MACROD2: variants seen among roughly 807,000 people sequenced by gnomAD.
MACROD2 encodes the protein ADP-ribose glycohydrolase MACROD2.
MACROD2 carries 36 observed loss-of-function variants against 70.4 expected under a neutral mutation model. That is an observed-to-expected ratio of 0.51 (90% CI 0.39 to 0.68). MACROD2 has a LOEUF of 0.68. MACROD2 is among the 30% of genes least tolerant of loss of function. The pLI is 0.00. For synonymous variants in MACROD2, 172 were observed against 178.8 expected (o/e 0.96, Z 0.30); for missense variants, 496 against 538.4 (o/e 0.92, Z 0.78).
chr20:14,685,499 C>T (rs1165234148), intron 5 of MACROD2, among the ~76,000 whole-genome samples: 1 of 152,182 alleles, frequency 6.6e-6, no homozygotes, highest in Non-Finnish European at 1.5e-5. Flanking sequence ...TGTGTTTGCT[C>T]TTTGAATGCG....
At chr20:15,557,918 G>A (rs62195614) in intron 8 of MACROD2, among the ~76,000 whole-genome samples, 11,938 of 152,090 alleles carry the variant, frequency 0.078, 654 homozygotes, top group East Asian at 0.15. Flanking sequence ...CCCTCATAAA[G>A]ACGACCACTC....
In MACROD2 at chr20:13,995,571, C is replaced by T. The variant is rs1490847088; in HGVS notation, c.-193C>T. On this transcript the variant is annotated 5_prime_UTR_variant, in exon 1 of 18. Coordinates refer to ENST00000684519, the MANE Select transcript of MACROD2 (RefSeq NM_001351661.2). This position sits in a 1 kb window ranked among gnomAD's most constrained non-coding sequence, Gnocchi z 4.3. ...TCCGCGGGGCTGAGGCGGGTGGGAG[C>T]CGGAGCCGAGCGCGGGCTGAGGGAG... The T allele has an allele frequency of 6.0e-6, 4 of 663,826 alleles. No individual in the cohort carries two copies. Among genetic ancestry groups the T allele is most frequent in the African/African-American group, 3.6e-5 (2 of 56,152 alleles). 41.1% of individuals were successfully genotyped at this position (663,826 alleles called of 1,614,324 possible). A position where few individuals can be genotyped will look rare whatever the true frequency, so the allele number is the denominator to read the frequency against.
chr20:15,265,056 G>T (rs1037873651), intron 6 of MACROD2, among the ~76,000 whole-genome samples: 5 of 152,172 alleles, frequency 3.3e-5, no homozygotes, highest in African/African-American at 1.2e-4. Flanking sequence ...ATCAGATCTT[G>T]ATGTTCTTTT....
chr20:14,991,667 A>G (rs1327763327), intron 5 of MACROD2, among the ~76,000 whole-genome samples: 1 of 152,210 alleles, frequency 6.6e-6, no homozygotes, highest in Non-Finnish European at 1.5e-5. Context: ...GAGGGAGACT[A>G]CAGATCAAAT....
chr20:14,537,736 TC>T (rs1329050429), intron 4 of MACROD2, among the ~76,000 whole-genome samples: 4 of 152,190 alleles, frequency 2.6e-5, no homozygotes, highest in South Asian at 2.1e-4. Context: ...TCTACTTGTC[TC>T]AAACCAACTA....
intron 5 of MACROD2, among the ~76,000 whole-genome samples, chr20:15,044,779 A>G (rs918789112): frequency 3.4e-4 from 52 of 152,242 alleles, no homozygotes; most frequent in Admixed American, 3.4e-3. Context: ...GCCTTCCCAC[A>G]TCTTTGTAAA....
chr20:15,326,723 T>C (rs2077934110), intron 6 of MACROD2, among the ~76,000 whole-genome samples: 1 of 152,102 alleles, frequency 6.6e-6, no homozygotes, highest in Non-Finnish European at 1.5e-5. Flanking sequence ...ACAAAGATGA[T>C]GCCTCTCCCG....
At chr20:15,278,219 A>G (rs1008494074) in intron 6 of MACROD2, among the ~76,000 whole-genome samples, 1 of 152,214 alleles carries the variant, frequency 6.6e-6, no homozygotes, top group Admixed American at 6.5e-5. Context: ...AGTCATACCC[A>G]GAAAGGAACT....
chr20:15,663,130 G>C (rs981950094), intron 8 of MACROD2, among the ~76,000 whole-genome samples: 9 of 152,080 alleles, frequency 5.9e-5, no homozygotes, highest in African/African-American at 2.2e-4. Flanking sequence ...AAAGGATGCT[G>C]CTTCTCTGAT....
At chr20:15,922,155 C>G (rs2065419006) in intron 10 of MACROD2, among the ~76,000 whole-genome samples, 2 of 152,188 alleles carry the variant, frequency 1.3e-5, no homozygotes, top group African/African-American at 2.4e-5. Flanking sequence ...GGGACGATGG[C>G]CAGGGCTTTG....
chr20:14,496,505 T>C (rs894843670), intron 4 of MACROD2, among the ~76,000 whole-genome samples: 1 of 152,200 alleles, frequency 6.6e-6, no homozygotes, highest in Non-Finnish European at 1.5e-5. Context: ...AATGGTCACA[T>C]ATCATCCTCT....
At chr20:14,190,907 C>CTGTGTTAG (rs2081382512) in intron 3 of MACROD2, among the ~76,000 whole-genome samples, 1 of 150,780 alleles carries the variant, frequency 6.6e-6, no homozygotes, top group African/African-American at 2.4e-5. Flanking sequence ...CAGGGTTTCA[C>CTGTGTTAG]CGTGTTAGCC....
chr20:14,241,107 C>T (rs1161568377), intron 3 of MACROD2, among the ~76,000 whole-genome samples: 1 of 151,860 alleles, frequency 6.6e-6, no homozygotes, highest in African/African-American at 2.4e-5. Context: ...CAGAGTGAGA[C>T]TCCGTCTCAA....
At chr20:15,044,393 C>G (rs1466040424) in intron 5 of MACROD2, among the ~76,000 whole-genome samples, 2 of 152,182 alleles carry the variant, frequency 1.3e-5, no homozygotes, top group African/African-American at 4.8e-5. Flanking sequence ...CAAAATGGCA[C>G]AATCAAGATT....
At chr20:15,504,541 C>T (rs1423984880) in intron 8 of MACROD2, among the ~76,000 whole-genome samples, 2 of 152,112 alleles carry the variant, frequency 1.3e-5, no homozygotes, top group Non-Finnish European at 2.9e-5. Context: ...GATGAATTAT[C>T]TCACAACACA....
chr20:14,369,591 C>G (rs2083303928), intron 3 of MACROD2, among the ~76,000 whole-genome samples: 1 of 152,182 alleles, frequency 6.6e-6, no homozygotes, highest in Non-Finnish European at 1.5e-5. Context: ...GGAACACAAG[C>G]TCTTGGAGCT....
intron 5 of MACROD2, among the ~76,000 whole-genome samples, chr20:15,073,744 G>A (rs2075636837): frequency 6.6e-6 from 1 of 152,154 alleles, no homozygotes; most frequent in Admixed American, 6.5e-5. Context: ...ACATGAAGAT[G>A]TTTGCAAAGG....
chr20:14,383,448 A>G (rs1431159285), intron 3 of MACROD2, among the ~76,000 whole-genome samples: 1 of 152,166 alleles, frequency 6.6e-6, no homozygotes, highest in African/African-American at 2.4e-5. Flanking sequence ...TAAATATTCA[A>G]ATTTGGACTT....
intron 5 of MACROD2, among the ~76,000 whole-genome samples, chr20:15,136,989 C>T (rs1014193170): frequency 5.4e-5 from 8 of 149,260 alleles, no homozygotes; most frequent in Admixed American, 3.4e-4. Flanking sequence ...CAGAGAAATA[C>T]AAATCAAAAC....
Sources: allele counts gnomAD v4.1 joint callset (sites outside exome capture counted in the v4.1 genomes callset), GRCh38; gene constraint gnomAD v4.1.1; non-coding constraint Gnocchi (gnomAD v3.1); transcripts MANE v1.5; gene names NCBI Gene and HGNC (gene_info 2026-07-23, HGNC 2026-07-21).